The following NEBL variants were observed in gnomAD, a reference collection of about 807,000 sequenced individuals.
NEBL encodes LIM and SH3 protein 2.
NEBL carries 122 observed loss-of-function variants against 140.2 expected under a neutral mutation model. The observed-to-expected ratio is 0.87, with a 90% CI of 0.75 to 1.01. The LOEUF is 1.01. Among genes scored for constraint, NEBL ranks in the 50% least tolerant of loss-of-function variants. NEBL has a pLI of 0.00. For missense variants in NEBL, 1,365 were observed against 1,231.3 expected (o/e 1.11, Z -1.62); for synonymous variants, 436 against 398.9 (o/e 1.09, Z -1.11).
intron 2 of NEBL, among the ~76,000 whole-genome samples, 179 bp downstream of exon 2, chr10:20,896,779 C>A (rs140883897): frequency 6.6e-6 from 1 of 151,962 alleles, no homozygotes; most frequent in Admixed American, 6.6e-5. Context: ...AGCAGAAATT[C>A]TCTGTATAGG....
chr10:21,005,582 A>C (rs978145591), intron 3 of NEBL, among the ~76,000 whole-genome samples: 2 of 152,088 alleles, frequency 1.3e-5, no homozygotes, highest in Non-Finnish European at 2.9e-5. Context: ...AAATAAAATA[A>C]AATTAGCCAG....
chr10:21,058,414 C>T (rs1564496012), intron 2 of NEBL, among the ~76,000 whole-genome samples: 1 of 152,022 alleles, frequency 6.6e-6, no homozygotes, highest in Non-Finnish European at 1.5e-5. Flanking sequence ...AAATTTCAAA[C>T]ACACACAAAA....
intron 3 of NEBL, among the ~76,000 whole-genome samples, chr10:21,011,180 G>A: frequency 6.6e-6 from 1 of 152,198 alleles, no homozygotes; most frequent in East Asian, 1.9e-4. Flanking sequence ...AAGGTTAGGA[G>A]TGCCCAAAGT....
intron 9 of NEBL, among the ~76,000 whole-genome samples, chr10:20,857,093 G>A (rs1843154002): frequency 6.6e-6 from 1 of 152,044 alleles, no homozygotes; most frequent in Admixed American, 6.6e-5. Flanking sequence ...ACAGTGCTGG[G>A]ATTACAGGCA....
chr10:21,167,050 C>T (rs993646304), intron 2 of NEBL, among the ~76,000 whole-genome samples: 2 of 152,158 alleles, frequency 1.3e-5, no homozygotes, highest in South Asian at 2.1e-4. Flanking sequence ...GCACTGGCCT[C>T]GATAATCACA....
intron 4 of NEBL, among the ~76,000 whole-genome samples, chr10:20,938,108 C>G (rs1834606020): frequency 6.6e-6 from 1 of 152,200 alleles, no homozygotes. Flanking sequence ...TCCCAGCACA[C>G]AGCTGGAGAT....
chr10:20,967,493 T>C (rs1276763653), intron 3 of NEBL, among the ~76,000 whole-genome samples: 1 of 152,164 alleles, frequency 6.6e-6, no homozygotes, highest in East Asian at 1.9e-4. Flanking sequence ...CCGGGTGTGA[T>C]GGTACACCCC....
In NEBL at chr10:21,173,828, G is replaced by T; in HGVS notation, c.6C>A (p.Asn2Lys). Residue 2 changes from asparagine to lysine, a missense_variant, in exon 1 of 7, where the codon AAC (asparagine) becomes AAA (lysine). By Grantham distance (94) the Asn-to-Lys change is moderately conservative. Transcript: ENST00000417816. The surrounding 1 kb of genome is among the most constrained non-coding windows in gnomAD (Gnocchi z 5.7). ...CTTTTCCGCAACGGGCGCACTGGGGGTTCATGATCGCGGTTCCCGGGGGCG... is the reference window on the plus strand; with the variant it reads ...CTTTTCCGCAACGGGCGCACTGGGGTTTCATGATCGCGGTTCCCGGGGGCG... 1 of 1,612,098 alleles carries T rather than the reference G, an allele frequency of 6.2e-7. No individual in the cohort carries two copies. Among genetic ancestry groups the T allele is most frequent in the Non-Finnish European group, 8.5e-7 (1 of 1,179,682 alleles).
At chr10:21,002,922 GTGTTCACTCTAATTTAAAA>G (rs1205989392) in intron 3 of NEBL, among the ~76,000 whole-genome samples, 1 of 151,126 alleles carries the variant, frequency 6.6e-6, no homozygotes, top group Non-Finnish European at 1.5e-5. Flanking sequence ...ACTACCCACA[GTGTTCACTCTAATTTAAAA>G]TGCCTTAGAC....
At chr10:21,165,031 T>C (rs1840705665) in intron 2 of NEBL, among the ~76,000 whole-genome samples, 1 of 152,220 alleles carries the variant, frequency 6.6e-6, no homozygotes, top group Non-Finnish European at 1.5e-5. Context: ...TTTTCTCTTG[T>C]CTTTAAGGGA....
chr10:21,049,381 A>G (rs16921472), intron 2 of NEBL, among the ~76,000 whole-genome samples: 2,555 of 152,280 alleles, frequency 0.017, 66 homozygotes, highest in African/African-American at 0.058. Context: ...AAGTTTATCA[A>G]TTCATTGTAG....
rs11012423 is a variant in NEBL at position 20,968,754 on chromosome 10, G to T, written c.250-6975C>A. Among the ~76,000 whole-genome samples, 2,877 of 152,150 alleles carry T rather than the reference G, an allele frequency of 0.019. 352 individuals are homozygous for T. The East Asian group carries it at 0.34, about 18-fold the overall frequency. Reference sequence around the variant, plus strand: ...TCTGTTCTTTATTTCATACATTTCTGATACAATGAAATCCATGACTAATTT... The same window carrying T: ...TCTGTTCTTTATTTCATACATTTCTTATACAATGAAATCCATGACTAATTT... On this transcript the variant is annotated intron_variant, in intron 3 of 6. Coordinates refer to the NEBL transcript ENST00000417816.
At chr10:21,027,574 A>G (rs954153005) in intron 2 of NEBL, among the ~76,000 whole-genome samples, 3 of 152,054 alleles carry the variant, frequency 2.0e-5, no homozygotes, top group Non-Finnish European at 4.4e-5. Flanking sequence ...AAGTGGTCCA[A>G]TCAATTCAGC....
At chr10:21,134,567 G>A (rs1015637132) in intron 2 of NEBL, among the ~76,000 whole-genome samples, 1 of 152,010 alleles carries the variant, frequency 6.6e-6, no homozygotes, top group Non-Finnish European at 1.5e-5. Flanking sequence ...CCTTTTACAC[G>A]GTCGATCCCT....
chr10:20,794,419 T>C (rs1261041338), intron 26 of NEBL, among the ~76,000 whole-genome samples: 2 of 152,226 alleles, frequency 1.3e-5, no homozygotes, highest in African/African-American at 4.8e-5. Context: ...TCCTGCTTAC[T>C]GCTGACCATA....
At chr10:20,933,263 C>G (rs1021232698) in intron 4 of NEBL, among the ~76,000 whole-genome samples, 2 of 152,040 alleles carry the variant, frequency 1.3e-5, no homozygotes, top group African/African-American at 4.8e-5. Context: ...TTACCTGTGA[C>G]CATGAAAGAA....
chr10:21,100,072 G>C (rs1837400903), intron 2 of NEBL, among the ~76,000 whole-genome samples: 1 of 152,174 alleles, frequency 6.6e-6, no homozygotes, highest in African/African-American at 2.4e-5. Context: ...CCAAAACAGG[G>C]AGGGGATGAA....
intron 20 of NEBL, 29 bp from the exon 21 acceptor site, chr10:20,817,721 G>T: frequency 1.3e-6 from 2 of 1,520,974 alleles, no homozygotes; most frequent in Non-Finnish European, 9.1e-7. Flanking sequence ...AACTTTAACA[G>T]ATAGCACAAT....
intron 3 of NEBL, among the ~76,000 whole-genome samples, chr10:21,224,768 A>AT (rs1842121841): frequency 6.6e-6 from 1 of 152,158 alleles, no homozygotes; most frequent in African/African-American, 2.4e-5. Context: ...TGTAGCTGTT[A>AT]TAAGTGGGAT....
Sources: gnomAD v4.1 joint callset for allele counts (sites outside exome capture counted in the v4.1 genomes callset) on GRCh38, gnomAD v4.1.1 for gene constraint, Gnocchi (gnomAD v3.1) non-coding constraint, MANE v1.5 for transcripts, NCBI Gene and HGNC (gene_info 2026-07-23, HGNC 2026-07-21) for gene names.